EML2: variants seen among roughly 807,000 people sequenced by gnomAD.
The protein encoded by EML2 is EMAP like 2.
Under a neutral mutation model 84.7 loss-of-function variants are expected in EML2, and 59 were observed. The observed-to-expected ratio is 0.70, with a 90% CI of 0.56 to 0.86. The LOEUF is 0.86. Ranked by LOEUF, EML2 falls within the 40% of genes least tolerant of loss-of-function variation. The probability of loss-of-function intolerance (pLI) is 0.00; values close to 1 mark genes in which losing one functional copy is unlikely to be tolerated. For synonymous variants in EML2, 352 were observed against 348.9 expected (o/e 1.01, Z -0.10); for missense variants, 818 against 855.6 (o/e 0.96, Z 0.55).
chr19:45,630,169 G>A (rs1374253704), intron 6 of EML2, 123 bp from the exon 7 acceptor site: 32 of 690,284 alleles, frequency 4.6e-5, no homozygotes, highest in Middle Eastern at 3.5e-4. Flanking sequence ...GGCACAGTAG[G>A]TGGGAGGATC....
Position 45,639,392 on chromosome 19 carries a change from A to T in EML2, c.-16T>A. 8.0e-7 allele frequency: 1 copy of T among 1,257,732 alleles called. No individual in the cohort carries two copies. The highest frequency in any genetic ancestry group is 3.6e-5 in the South Asian group (1 of 27,574). The allele number at this position is 1,257,732 out of a possible 1,614,324, so 77.9% of individuals were successfully genotyped here. On this transcript the variant is annotated 5_prime_UTR_variant, in exon 1 of 19. Transcript: ENST00000245925. ...AGCTACTCATGGCGGCGGGTGGCGG[A>T]GCTTCGGGGCCGGGGGTGGAGCCGG...
chr19:45,609,888 T>C (rs1970305388), intron 18 of EML2, 100 bp from the exon 19 acceptor site: 13 of 231,798 alleles, frequency 5.6e-5, no homozygotes, highest in South Asian at 1.2e-4. Flanking sequence ...GCTCTTCCTC[T>C]TTTTTTTTTT....
chr19:45,609,610 C>A lies in EML2; in HGVS notation c.*53G>T. On this transcript the variant is annotated 3_prime_UTR_variant, in exon 19 of 19. Transcript: ENST00000245925. ...ATATATTACTCTACTCGGCAATAGA[C>A]ATCTCCCGAAAATAGAATTCCTGCC... The A allele has an allele frequency of 6.5e-7, 1 of 1,545,864 alleles. No individual in the cohort carries two copies. Among genetic ancestry groups the A allele is most frequent in the Non-Finnish European group, 8.7e-7 (1 of 1,144,732 alleles).
chr19:45,625,065 G>A (rs770149869), intron 8 of EML2, among the ~76,000 whole-genome samples: 3 of 151,904 alleles, frequency 2.0e-5, no homozygotes, highest in Non-Finnish European at 4.4e-5. Flanking sequence ...CCTCTCTCTG[G>A]TCCCCCTGAC....
In EML2 at chr19:45,613,556, G is replaced by A; in HGVS notation, c.1809C>T (p.Pro603=). The change falls in exon 18 of 19, where the codon CCC becomes CCT. Residue 603 remains proline (P), a synonymous_variant. Coordinates refer to ENST00000245925, the MANE Select transcript of EML2 (RefSeq NM_012155.4). The stretch of plus-strand genomic sequence containing the variant: ...AGGGACTCACTCGAGGCTGACAGCA[G>A]GGGTAGCTAAACAGGTGAACTTTGC... ...DFGKVHLFSY[P]CCQPRALSHK... 6.2e-7 allele frequency: 1 copy of A among 1,614,042 alleles called. No individual in the cohort carries two copies. The highest frequency in any genetic ancestry group is 2.2e-5 in the East Asian group (1 of 44,878).
At chr19:45,625,283 C>G (rs1037364618) in intron 8 of EML2, among the ~76,000 whole-genome samples, 7 of 151,812 alleles carry the variant, frequency 4.6e-5, no homozygotes, top group Non-Finnish European at 7.4e-5. Context: ...GCTCTGTCAC[C>G]AGGCTGGAGT....
intron 6 of EML2, 122 bp from the exon 7 acceptor site, chr19:45,630,168 G>A: frequency 1.4e-6 from 1 of 694,106 alleles, no homozygotes; most frequent in Non-Finnish European, 2.6e-6. Flanking sequence ...GGGCACAGTA[G>A]GTGGGAGGAT....
chr19:45,622,541 A>G (rs1971833797), intron 9 of EML2, among the ~76,000 whole-genome samples: 1 of 151,926 alleles, frequency 6.6e-6, no homozygotes, highest in Non-Finnish European at 1.5e-5. Flanking sequence ...AGCGATTCTC[A>G]TGTCTCAGCC....
intron 7 of EML2, among the ~76,000 whole-genome samples, chr19:45,629,062 G>C (rs147140295): frequency 8.6e-5 from 13 of 151,946 alleles, no homozygotes; most frequent in Admixed American, 6.6e-4. Flanking sequence ...CTGGTCCACC[G>C]TACCCCATAT....
chr19:45,612,882 G>C (rs998431217), intron 18 of EML2, among the ~76,000 whole-genome samples: 1 of 134,996 alleles, frequency 7.4e-6, no homozygotes. Flanking sequence ...TAAAATTAAC[G>C]TCCAGCTTTT....
rs999012746 is a variant in EML2 at position 45,632,746 on chromosome 19, G to A, written c.510+115C>T. On this transcript the variant is annotated intron_variant, in intron 6 of 18. Transcript: ENST00000245925. ...CCTCATTGTGACGTCACAGAGGCGG[G>A]CCACGCCTCCAGCAGGATTCCCGGC... The A allele has an allele frequency of 4.5e-6, 4 of 880,248 alleles. No homozygotes were observed. The East Asian group carries it at 1.1e-4, about 23-fold the overall frequency. 54.5% of individuals were successfully genotyped at this position (880,248 alleles called of 1,614,324 possible). A position where few individuals can be genotyped will look rare whatever the true frequency, so the allele number is the denominator to read the frequency against.
intron 3 of EML2, among the ~76,000 whole-genome samples, chr19:45,635,526 C>T (rs1002421125): frequency 6.6e-6 from 1 of 151,590 alleles, no homozygotes; most frequent in African/African-American, 2.4e-5. Context: ...TCCACTCTCA[C>T]CCCTGTAGTG....
intron 8 of EML2, among the ~76,000 whole-genome samples, chr19:45,626,220 C>T (rs1350236144): frequency 2.0e-5 from 3 of 151,840 alleles, no homozygotes; most frequent in African/African-American, 7.3e-5. Context: ...CCATGTTCCC[C>T]AGGCTGGTCT....
chr19:45,641,526 T>G, upstream of EML2: 1 of 1,049,238 alleles, frequency 9.5e-7, no homozygotes, highest in Non-Finnish European at 1.4e-6. Flanking sequence ...CGTCCCCGCT[T>G]TTGAACTAGC....
chr19:45,645,364 C>G (rs1215907348), upstream of EML2: 2 of 1,527,042 alleles, frequency 1.3e-6, no homozygotes, highest in South Asian at 2.4e-5. Flanking sequence ...CACCGCCGGC[C>G]CCCCCGGTCC....
intron 3 of EML2, among the ~76,000 whole-genome samples, chr19:45,637,517 C>T (rs1430780672): frequency 3.1e-5 from 4 of 130,800 alleles, no homozygotes; most frequent in African/African-American, 6.0e-5. Flanking sequence ...CTCGCTCTGT[C>T]GCCCAGGCTG....
chr19:45,614,090 C>A (rs1412705175), intron 17 of EML2, among the ~76,000 whole-genome samples: 1 of 152,186 alleles, frequency 6.6e-6, no homozygotes, highest in African/African-American at 2.4e-5. Flanking sequence ...GAAAGTAACT[C>A]CTCATCCTCC....
chr19:45,633,248 G>A (rs981081106), intron 4 of EML2, 109 bp from the exon 5 acceptor site: 10 of 1,047,698 alleles, frequency 9.5e-6, no homozygotes, highest in Non-Finnish European at 1.5e-5. Context: ...GTCAATAAAC[G>A]TGTATTTAGT....
rs143626462 is a variant in EML2 at position 45,615,695 on chromosome 19, G to C, written c.1597+107C>G. ...TAAATTCCAAATCAGAACCAGCCTT[G>C]AATACCAAGGGAGCGAGGCTTGAAG... is the stretch of plus-strand genomic sequence containing the variant. On this transcript the variant is annotated intron_variant, in intron 16 of 18. Coordinates refer to ENST00000245925, the MANE Select transcript of EML2 (RefSeq NM_012155.4). 524 of 992,636 alleles carry C rather than the reference G, an allele frequency of 5.3e-4. 3 individuals are homozygous for C. The African/African-American group carries it at 6.2e-3, about 12-fold the overall frequency. The allele number at this position is 992,636 out of a possible 1,614,324, so 61.5% of individuals were successfully genotyped here.
Sources: allele counts gnomAD v4.1 joint callset (sites outside exome capture counted in the v4.1 genomes callset), GRCh38; gene constraint gnomAD v4.1.1; transcripts MANE v1.5; gene names NCBI Gene and HGNC (gene_info 2026-07-23, HGNC 2026-07-21).